PIP4P2: variants seen among roughly 807,000 people sequenced by gnomAD.
PIP4P2 encodes the protein type 2 phosphatidylinositol 4,5-bisphosphate 4-phosphatase.
PIP4P2 carries 19 observed loss-of-function variants against 33.3 expected under a neutral mutation model. The observed-to-expected ratio is 0.57, with a 90% CI of 0.40 to 0.84. The LOEUF (loss-of-function observed/expected upper bound fraction) is 0.84. PIP4P2 is among the 40% of genes least tolerant of loss of function. The pLI is 0.00. For synonymous variants in PIP4P2, 110 were observed against 111.9 expected (o/e 0.98, Z 0.11); for missense variants, 270 against 324.7 (o/e 0.83, Z 1.29).
At chr8:91,021,434 T>A in intron 1 of PIP4P2, 30 bp from the exon 2 acceptor site, 2 of 1,607,628 alleles carry the variant, frequency 1.2e-6, no homozygotes, top group South Asian at 1.1e-5. Context: ...TGAATCAGAG[T>A]CTTGGAGAAA....
At chr8:91,012,839 T>A (rs1010105277) in intron 4 of PIP4P2, among the ~76,000 whole-genome samples, 4 of 152,166 alleles carry the variant, frequency 2.6e-5, no homozygotes, top group African/African-American at 9.6e-5. Flanking sequence ...AATGTACAAA[T>A]TACTTTTTAA....
intron 6 of PIP4P2, 109 bp from the exon 7 acceptor site, chr8:90,995,929 C>T (rs1008423064): frequency 2.9e-5 from 36 of 1,226,046 alleles, no homozygotes; most frequent in African/African-American, 2.3e-4. Context: ...ACCCCCAGAC[C>T]GAATACACAA....
chr8:91,036,439 A>G (rs905163970), intron 1 of PIP4P2, among the ~76,000 whole-genome samples: 1 of 152,176 alleles, frequency 6.6e-6, no homozygotes, highest in African/African-American at 2.4e-5. Flanking sequence ...TCACACCATG[A>G]CGTTGCATAG....
At chr8:91,032,137 T>C (rs1016505155) in intron 1 of PIP4P2, among the ~76,000 whole-genome samples, 11 of 152,328 alleles carry the variant, frequency 7.2e-5, no homozygotes, top group Non-Finnish European at 1.5e-4. Flanking sequence ...AAACACTACC[T>C]GGTGGCAGAC....
chr8:91,024,469 C>G, intron 1 of PIP4P2: 1 of 279,826 alleles, frequency 3.6e-6, no homozygotes, highest in Admixed American at 4.0e-5. Context: ...TTCATTTTGT[C>G]TCTTTTCACT....
intron 6 of PIP4P2, among the ~76,000 whole-genome samples, chr8:90,996,236 A>G (rs1321562217): frequency 6.6e-6 from 1 of 152,136 alleles, no homozygotes; most frequent in Non-Finnish European, 1.5e-5. Flanking sequence ...TCTAAAAACA[A>G]GCCATCCTCA....
intron 5 of PIP4P2, among the ~76,000 whole-genome samples, chr8:91,000,506 C>T (rs1034013761): frequency 1.3e-5 from 2 of 150,184 alleles, no homozygotes; most frequent in African/African-American, 4.9e-5. Flanking sequence ...CTTCATTATT[C>T]TTTGATGGTT....
chr8:91,034,601 A>G (rs1011407173), intron 1 of PIP4P2, among the ~76,000 whole-genome samples: 1 of 152,234 alleles, frequency 6.6e-6, no homozygotes, highest in African/African-American at 2.4e-5. Flanking sequence ...GTATCACAGC[A>G]GGTGAACACT....
chr8:91,039,791 T>C (rs1812280094), intron 1 of PIP4P2, among the ~76,000 whole-genome samples: 1 of 152,176 alleles, frequency 6.6e-6, no homozygotes, highest in Non-Finnish European at 1.5e-5. Context: ...CTAAAAGGCT[T>C]AGAACAACGA....
intron 6 of PIP4P2, among the ~76,000 whole-genome samples, chr8:90,996,150 C>A (rs1157146195): frequency 6.6e-6 from 1 of 152,110 alleles, no homozygotes; most frequent in Non-Finnish European, 1.5e-5. Context: ...AACAAAGGAG[C>A]ATGGAAATGG....
At chr8:91,006,894 C>T (rs1016014006) in intron 5 of PIP4P2, among the ~76,000 whole-genome samples, 7 of 152,052 alleles carry the variant, frequency 4.6e-5, no homozygotes, top group African/African-American at 1.2e-4. Context: ...GCTTGAACCC[C>T]GGAGGTGGAG....
At chr8:91,022,487 A>C (rs985079561) in intron 1 of PIP4P2, among the ~76,000 whole-genome samples, 5 of 152,174 alleles carry the variant, frequency 3.3e-5, no homozygotes, top group African/African-American at 1.2e-4. Flanking sequence ...GGAATAGAAG[A>C]CTTTTCCAAG....
chr8:90,995,390 A>G lies in PIP4P2; in HGVS notation c.*287T>C. ...AAATAACTTATTTAAAAATAATAAA[A>G]GGGTGAGAGTAAATGTAATGTTTGG... On this transcript the variant is annotated 3_prime_UTR_variant, in exon 7 of 7. Coordinates refer to ENST00000285419, the MANE Select transcript of PIP4P2 (RefSeq NM_018710.3). 4.9e-6 allele frequency: 1 copy of G among 204,068 alleles called. No individual in the cohort carries two copies. Among genetic ancestry groups the G allele is most frequent in the Admixed American group, 5.9e-5 (1 of 16,916 alleles). 12.6% of individuals were successfully genotyped at this position (204,068 alleles called of 1,614,324 possible). A position where few individuals can be genotyped will look rare whatever the true frequency, so the allele number is the denominator to read the frequency against.
intron 1 of PIP4P2, among the ~76,000 whole-genome samples, chr8:91,036,757 A>T (rs539896584): frequency 6.6e-6 from 1 of 152,316 alleles, no homozygotes; most frequent in East Asian, 1.9e-4. Flanking sequence ...CCTTAACATG[A>T]CCAACAATAT....
intron 5 of PIP4P2, among the ~76,000 whole-genome samples, chr8:90,997,399 A>G (rs1031473693): frequency 1.3e-5 from 2 of 152,110 alleles, no homozygotes; most frequent in Non-Finnish European, 2.9e-5. Context: ...ACAAAGTATC[A>G]TTTAAAAGCA....
chr8:91,015,953 A>T (rs1187249525), intron 4 of PIP4P2, among the ~76,000 whole-genome samples: 1 of 152,242 alleles, frequency 6.6e-6, no homozygotes, highest in Non-Finnish European at 1.5e-5. Context: ...TAAACATGCC[A>T]GGGCAAATAT....
chr8:91,023,803 T>G (rs13265644), intron 1 of PIP4P2, among the ~76,000 whole-genome samples: 110,826 of 151,924 alleles, frequency 0.73, 41,370 homozygotes, highest in African/African-American at 0.83. Flanking sequence ...ATGGTTGAAT[T>G]AATTAATAAA....
intron 5 of PIP4P2, among the ~76,000 whole-genome samples, chr8:90,997,578 T>C (rs575082903): frequency 2.7e-4 from 41 of 152,014 alleles, no homozygotes; most frequent in African/African-American, 9.6e-4. Context: ...CTGTATCTAA[T>C]TGTGGTAATT....
At chr8:90,999,342 T>C (rs893370280) in intron 5 of PIP4P2, among the ~76,000 whole-genome samples, 1 of 152,076 alleles carries the variant, frequency 6.6e-6, no homozygotes, top group Non-Finnish European at 1.5e-5. Flanking sequence ...AATAAGTTTA[T>C]TTTTCTAGCA....
Sources: allele counts gnomAD v4.1 joint callset (sites outside exome capture counted in the v4.1 genomes callset), GRCh38; gene constraint gnomAD v4.1.1; transcripts MANE v1.5; gene names NCBI Gene and HGNC (gene_info 2026-07-23, HGNC 2026-07-21).